The following PDE3A variants were observed in gnomAD, a reference collection of about 807,000 sequenced individuals.
PDE3A encodes the protein cGMP-inhibited 3',5'-cyclic phosphodiesterase 3A.
A neutral mutation model predicts 98.3 loss-of-function variants in PDE3A; 43 were observed. The ratio of observed to expected loss-of-function variants is 0.44; its 90% CI spans 0.34 to 0.56. The LOEUF (loss-of-function observed/expected upper bound fraction) is 0.56. Ranked by LOEUF, PDE3A falls within the 20% of genes least tolerant of loss-of-function variation. The pLI is 0.01. For synonymous variants in PDE3A, 663 were observed against 567.9 expected (o/e 1.17, Z -2.38); for missense variants, 1,427 against 1,440.7 (o/e 0.99, Z 0.15).
chr12:20,479,959 G>C (rs1945594841), intron 1 of PDE3A, among the ~76,000 whole-genome samples: 1 of 152,196 alleles, frequency 6.6e-6, no homozygotes, highest in South Asian at 2.1e-4. Context: ...AAAAGACTTA[G>C]TTTGTCAAGA....
At chr12:20,473,259 C>T (rs1002122181) in intron 1 of PDE3A, among the ~76,000 whole-genome samples, 8 of 152,158 alleles carry the variant, frequency 5.3e-5, no homozygotes, top group Non-Finnish European at 7.4e-5. Flanking sequence ...ATGTATCTCC[C>T]TACCCTCTTA....
At position 20,685,409 on chromosome 12, in the gene PDE3A, CAA is replaced by C. The variant is rs71442269; in HGVS notation, c.*5160_*5161del. Among the ~76,000 whole-genome samples the C allele has an allele frequency of 5.4e-5, 4 of 73,800 alleles. No homozygotes were observed. The highest frequency in any genetic ancestry group is 3.8e-4 in the East Asian group (1 of 2,618). 48.4% of individuals were successfully genotyped at this position (73,800 alleles called of 152,430 possible). On this transcript the variant is annotated 3_prime_UTR_variant, in exon 16 of 16. Transcript: ENST00000359062. ...GGGCAACAGGAGTTAAATTTTGCCT[CAA>C]AAAAAAAAAAAAAAAAAAAAAGAAC...
intron 1 of PDE3A, among the ~76,000 whole-genome samples, chr12:20,533,215 T>C (rs1565579969): frequency 6.6e-6 from 1 of 152,170 alleles, no homozygotes; most frequent in Non-Finnish European, 1.5e-5. Context: ...TAGTTATTTA[T>C]AGTACAGTAT....
chr12:20,604,104 G>A (rs1411408842), intron 2 of PDE3A, among the ~76,000 whole-genome samples: 1 of 152,000 alleles, frequency 6.6e-6, no homozygotes, highest in African/African-American at 2.4e-5. Context: ...AGGAGGCGGA[G>A]GTGGCAGTGA....
intron 5 of PDE3A, among the ~76,000 whole-genome samples, chr12:20,629,629 T>C (rs1186657146): frequency 1.3e-5 from 2 of 152,180 alleles, no homozygotes; most frequent in African/African-American, 2.4e-5. Context: ...GAAAATAATA[T>C]CCTTCTGTCC....
chr12:20,654,295 A>C (rs1347431130), intron 15 of PDE3A, 90 bp downstream of exon 15: 3 of 1,222,670 alleles, frequency 2.5e-6, no homozygotes, highest in Non-Finnish European at 3.5e-6. Flanking sequence ...AATACACAAT[A>C]CTTCAAGTCT....
intron 1 of PDE3A, among the ~76,000 whole-genome samples, chr12:20,416,802 A>T (rs545476149): frequency 6.6e-6 from 1 of 152,158 alleles, no homozygotes; most frequent in Non-Finnish European, 1.5e-5. Flanking sequence ...TACCTCACAC[A>T]TACATGGACT....
chr12:20,663,881 G>T (rs1457127411), intron 15 of PDE3A, among the ~76,000 whole-genome samples: 1 of 152,038 alleles, frequency 6.6e-6, no homozygotes, highest in Admixed American at 6.6e-5. Context: ...GAGGTGAGGG[G>T]CAGAATAATA....
In PDE3A at chr12:20,369,711, T is replaced by G; in HGVS notation, c.427T>G (p.Phe143Val). The change falls in exon 1 of 16, where the codon TTC (phenylalanine) becomes GTC (valine). Residue 143 changes from phenylalanine to valine, a missense_variant. Physicochemically the swap from Phe to Val is conservative, Grantham distance 50. Around this residue, in one of 3 missense-constraint regions of PDE3A, gnomAD observed 1,012 missense variants for 886.5 expected, o/e 1.14. Transcript: ENST00000359062. ...SALLFSLLCA[F>V]FWMGLYLLRA... ...GCTGCTCTTCAGTCTCCTGTGTGCC[T>G]TCTTCTGGATGGGCTTGTACCTCCT... 1.2e-6 allele frequency: 2 copies of G among 1,612,200 alleles called. No homozygotes were observed. Among genetic ancestry groups the G allele is most frequent in the Non-Finnish European group, 1.7e-6 (2 of 1,179,710 alleles).
At chr12:20,546,727 C>T (rs1592043245) in intron 1 of PDE3A, among the ~76,000 whole-genome samples, 1 of 152,052 alleles carries the variant, frequency 6.6e-6, no homozygotes, top group East Asian at 1.9e-4. Context: ...AAACAAAACC[C>T]ATATGTAAAG....
intron 1 of PDE3A, among the ~76,000 whole-genome samples, chr12:20,444,665 C>A (rs2120858796): frequency 6.6e-6 from 1 of 152,270 alleles, no homozygotes; most frequent in South Asian, 2.1e-4. Context: ...AGTGTTAATT[C>A]TCTCTGATCT....
chr12:20,517,334 G>A (rs1946340819), intron 1 of PDE3A, among the ~76,000 whole-genome samples: 1 of 152,184 alleles, frequency 6.6e-6, no homozygotes, highest in Non-Finnish European at 1.5e-5. Flanking sequence ...TTTATACTAT[G>A]AAGAAGGGGT....
chr12:20,583,198 CTGG>C (rs1943111721), intron 2 of PDE3A, among the ~76,000 whole-genome samples: 6 of 152,164 alleles, frequency 3.9e-5, no homozygotes, highest in Non-Finnish European at 8.8e-5. Context: ...AAACTACACA[CTGG>C]GTACAGTATA....
intron 1 of PDE3A, among the ~76,000 whole-genome samples, chr12:20,546,620 C>T (rs1942066907): frequency 6.6e-6 from 1 of 152,076 alleles, no homozygotes. Context: ...TAAAGAAGTG[C>T]TTTTAGTTTC....
chr12:20,464,987 A>G (rs1462788389), intron 1 of PDE3A, among the ~76,000 whole-genome samples: 3 of 152,214 alleles, frequency 2.0e-5, no homozygotes, highest in African/African-American at 4.8e-5. Context: ...GCAGTTACAT[A>G]TGAGAATATG....
chr12:20,553,095 T>G, intron 1 of PDE3A: 1 of 822,472 alleles, frequency 1.2e-6, no homozygotes. Context: ...CTTAGTGGGC[T>G]TAACTTAAAC....
intron 9 of PDE3A, among the ~76,000 whole-genome samples, chr12:20,638,126 C>T (rs1045947829): frequency 6.6e-6 from 1 of 151,804 alleles, no homozygotes; most frequent in African/African-American, 2.4e-5. Flanking sequence ...CTCTGCAAAA[C>T]AATAGAAGAG....
Position 20,588,742 on chromosome 12 carries a change from G to A in PDE3A, c.1012-24701G>A, listed in dbSNP as rs551383470. Among the ~76,000 whole-genome samples the A allele has an allele frequency of 2.0e-5, 3 of 152,232 alleles. No individual in the cohort carries two copies. The South Asian group carries it at 6.2e-4, about 32-fold the overall frequency. Reference sequence around the variant, plus strand: ...CGATAATCTGGGGCCCTATATGTAGGAGAAAAAGAAGTTGAAGTGCCAGGA... The same window carrying A: ...CGATAATCTGGGGCCCTATATGTAGAAGAAAAAGAAGTTGAAGTGCCAGGA... On this transcript the variant is annotated intron_variant, in intron 2 of 15. Transcript: ENST00000359062.
intron 1 of PDE3A, among the ~76,000 whole-genome samples, chr12:20,536,792 A>G (rs1256682129): frequency 6.6e-6 from 1 of 152,086 alleles, no homozygotes; most frequent in Non-Finnish European, 1.5e-5. Flanking sequence ...TTGATTAGTT[A>G]GTAGACATTT....
Sources: allele counts gnomAD v4.1 joint callset (sites outside exome capture counted in the v4.1 genomes callset), GRCh38; gene constraint gnomAD v4.1.1; regional missense constraint gnomAD v4.1.1; transcripts MANE v1.5; gene names NCBI Gene and HGNC (gene_info 2026-07-23, HGNC 2026-07-21).